ADAMTS17: variants seen among roughly 807,000 people sequenced by gnomAD.
The protein encoded by ADAMTS17 is A disintegrin and metalloproteinase with thrombospondin motifs 17.
ADAMTS17 carries 113 observed loss-of-function variants against 141.5 expected under a neutral mutation model. The observed-to-expected ratio is 0.80, with a 90% CI of 0.69 to 0.93. The LOEUF (loss-of-function observed/expected upper bound fraction) is 0.93, where lower values mean the gene tolerates loss of function less well. ADAMTS17 is among the 40% of genes least tolerant of loss of function. The probability of loss-of-function intolerance (pLI) is 0.00; values close to 1 mark genes in which losing one functional copy is unlikely to be tolerated. For synonymous variants in ADAMTS17, 768 were observed against 630.6 expected (o/e 1.22, Z -3.27); for missense variants, 1,659 against 1,517.9 (o/e 1.09, Z -1.54).
chr15:100,298,499 C>G (rs1332385134), intron 3 of ADAMTS17, among the ~76,000 whole-genome samples: 5 of 152,152 alleles, frequency 3.3e-5, no homozygotes, highest in Non-Finnish European at 1.5e-5. Flanking sequence ...CATGCAAAAA[C>G]TCATCAGTCC....
intron 17 of ADAMTS17, among the ~76,000 whole-genome samples, chr15:100,050,137 A>G (rs2032026822): frequency 6.6e-6 from 1 of 152,206 alleles, no homozygotes; most frequent in South Asian, 2.1e-4. Flanking sequence ...GCAGCCTCGC[A>G]TGAGTACAGA....
chr15:100,321,020 C>A (rs1053795977), intron 3 of ADAMTS17, among the ~76,000 whole-genome samples: 1 of 152,054 alleles, frequency 6.6e-6, no homozygotes, highest in African/African-American at 2.4e-5. Context: ...ATTCTAACTG[C>A]AAAAACATGA....
At chr15:100,202,867 T>C (rs2041387662) in intron 7 of ADAMTS17, among the ~76,000 whole-genome samples, 3 of 152,266 alleles carry the variant, frequency 2.0e-5, no homozygotes, top group Non-Finnish European at 4.4e-5. Flanking sequence ...TGGAACCTTC[T>C]GAGTTAACTG....
At chr15:100,193,996 C>T (rs2041019196) in intron 8 of ADAMTS17, among the ~76,000 whole-genome samples, 1 of 152,234 alleles carries the variant, frequency 6.6e-6, no homozygotes, top group Non-Finnish European at 1.5e-5. Context: ...GAACCCTGGT[C>T]TGGCTCAGGC....
At chr15:100,216,467 C>T (rs746445539) in intron 7 of ADAMTS17, among the ~76,000 whole-genome samples, 1 of 152,188 alleles carries the variant, frequency 6.6e-6, no homozygotes, top group Non-Finnish European at 1.5e-5. Context: ...ACCACCTTCA[C>T]CGGCATCAGA....
chr15:100,221,656 T>G (rs1215155122), intron 7 of ADAMTS17, among the ~76,000 whole-genome samples: 2 of 152,198 alleles, frequency 1.3e-5, no homozygotes, highest in Non-Finnish European at 2.9e-5. Flanking sequence ...TTGGCACGTG[T>G]GCAAACTCCC....
At chr15:100,321,864 T>G (rs867834703) in intron 3 of ADAMTS17, among the ~76,000 whole-genome samples, 1 of 152,192 alleles carries the variant, frequency 6.6e-6, no homozygotes, top group Admixed American at 6.5e-5. Flanking sequence ...AACACAACAA[T>G]TAGAAAATAT....
rs1463668322 is a variant in ADAMTS17 at position 99,976,094 on chromosome 15, C to T, written c.3078G>A (p.Glu1026=). The T allele has an allele frequency of 1.9e-6, 3 of 1,551,696 alleles. No individual in the cohort carries two copies. The highest frequency in any genetic ancestry group is 2.0e-5 in the Admixed American group (1 of 51,014). ...TGGCGTTGATCCTGTCGTTGCAGACCTCCTGGTAGCACTGTCTGTAGGGGG... is the reference window on the plus strand; with the variant it reads ...TGGCGTTGATCCTGTCGTTGCAGACTTCCTGGTAGCACTGTCTGTAGGGGG... ...KPAPYRQCYQ[E]VCNDRINANT... is the part of the protein sequence containing the mutation. Residue 1026 remains glutamate (E), a synonymous_variant, in exon 21 of 22, where the codon GAG becomes GAA. Coordinates refer to ENST00000268070, the MANE Select transcript of ADAMTS17 (RefSeq NM_139057.4).
intron 12 of ADAMTS17, among the ~76,000 whole-genome samples, chr15:100,125,268 C>G (rs530312089): frequency 5.3e-5 from 8 of 152,272 alleles, no homozygotes; most frequent in African/African-American, 1.9e-4. Context: ...TGAAAGGTGT[C>G]CAAGTAACAC....
At chr15:100,241,378 G>C (rs555471116) in intron 7 of ADAMTS17, among the ~76,000 whole-genome samples, 2 of 152,332 alleles carry the variant, frequency 1.3e-5, no homozygotes, top group Admixed American at 1.3e-4. Context: ...CCACAGGGAT[G>C]GAAGTCTTCA....
chr15:100,270,418 C>T (rs149948445), intron 4 of ADAMTS17, among the ~76,000 whole-genome samples: 115 of 152,288 alleles, frequency 7.6e-4, no homozygotes, highest in African/African-American at 2.7e-3. Context: ...TATGCATAAA[C>T]ACTTTCAAAC....
intron 15 of ADAMTS17, among the ~76,000 whole-genome samples, chr15:100,081,674 T>C (rs562422162): frequency 6.6e-6 from 1 of 152,322 alleles, no homozygotes; most frequent in East Asian, 1.9e-4. Context: ...TTAAATACTA[T>C]TTAAGCCAAC....
intron 14 of ADAMTS17, among the ~76,000 whole-genome samples, chr15:100,101,876 C>A (rs1450357950): frequency 6.6e-6 from 1 of 152,218 alleles, no homozygotes; most frequent in Non-Finnish European, 1.5e-5. Flanking sequence ...AGGCCACCGA[C>A]TTCTTGAATG....
chr15:100,063,692 G>C, intron 15 of ADAMTS17: 2 of 1,289,860 alleles, frequency 1.6e-6, no homozygotes, highest in Non-Finnish European at 2.0e-6. Context: ...GAAAGCTGTG[G>C]GCAGGTTTAT....
intron 8 of ADAMTS17, among the ~76,000 whole-genome samples, chr15:100,192,140 C>A (rs1346981362): frequency 6.6e-6 from 1 of 152,234 alleles, no homozygotes; most frequent in African/African-American, 2.4e-5. Flanking sequence ...GACGCTCACA[C>A]ACGGACTTTG....
At chr15:100,310,250 G>A (rs539810087) in intron 3 of ADAMTS17, among the ~76,000 whole-genome samples, 29 of 152,312 alleles carry the variant, frequency 1.9e-4, no homozygotes, top group Admixed American at 5.2e-4. Flanking sequence ...AGGAGACTCC[G>A]AACCTAAGCT....
intron 15 of ADAMTS17, among the ~76,000 whole-genome samples, chr15:100,054,688 C>T (rs1455124155): frequency 6.6e-6 from 1 of 152,166 alleles, no homozygotes; most frequent in African/African-American, 2.4e-5. Context: ...CAGCTGTGGA[C>T]GAGCAGTGGT....
intron 15 of ADAMTS17, among the ~76,000 whole-genome samples, chr15:100,095,676 C>T (rs2035713124): frequency 6.6e-6 from 1 of 152,196 alleles, no homozygotes; most frequent in Admixed American, 6.5e-5. Flanking sequence ...TAGGTGTCAA[C>T]TACAGACGCT....
At chr15:100,186,194 A>G (rs1031238295) in intron 8 of ADAMTS17, among the ~76,000 whole-genome samples, 1 of 152,156 alleles carries the variant, frequency 6.6e-6, no homozygotes, top group Non-Finnish European at 1.5e-5. Context: ...ATTAAGCTGC[A>G]TTTCCTCCAT....
Sources: allele counts gnomAD v4.1 joint callset (sites outside exome capture counted in the v4.1 genomes callset), GRCh38; gene constraint gnomAD v4.1.1; transcripts MANE v1.5; gene names NCBI Gene and HGNC (gene_info 2026-07-23, HGNC 2026-07-21).